ABCB7: variants seen among roughly 807,000 people sequenced by gnomAD.
ABCB7 encodes ATP binding cassette subfamily B member 7.
In ABCB7, 7 loss-of-function variants were observed where a neutral mutation model predicts 54.4. The observed-to-expected ratio is 0.13, with a 90% CI of 0.07 to 0.24. ABCB7 has a LOEUF of 0.24. Among genes scored for constraint, ABCB7 ranks in the 10% least tolerant of loss-of-function variants. The pLI is 1.00. For synonymous variants in ABCB7, 218 were observed against 207.1 expected, an observed-to-expected ratio of 1.05 and a Z score of -0.45; for missense variants, 356 against 570.4, an observed-to-expected ratio of 0.62 and a Z score of 3.83.
chrX:75,074,973 C>T (rs1319062320), intron 6 of ABCB7, among the ~76,000 whole-genome samples: 1 of 110,371 alleles, frequency 9.1e-6, no homozygotes, highest in Non-Finnish European at 1.9e-5. Context: ...GCACAGGTAC[C>T]CCCTGAAGCT....
intron 1 of ABCB7, among the ~76,000 whole-genome samples, chrX:75,126,299 T>C (rs2081926915): frequency 8.9e-6 from 1 of 112,131 alleles, no homozygotes. Context: ...ACTCTAAAAC[T>C]GACAGATGCA....
intron 1 of ABCB7, among the ~76,000 whole-genome samples, chrX:75,134,851 C>T (rs1185789732): frequency 9.0e-6 from 1 of 111,255 alleles, no homozygotes; most frequent in Non-Finnish European, 1.9e-5. Flanking sequence ...ACTTAGAGTG[C>T]TAAATGCCCA....
chrX:75,087,731 G>T (rs746349584), intron 4 of ABCB7, among the ~76,000 whole-genome samples: 7 of 112,072 alleles, frequency 6.2e-5, no homozygotes, highest in African/African-American at 1.9e-4. Flanking sequence ...TACCTAGTCT[G>T]ATAGTTTGAA....
chrX:75,124,271 T>C (rs1254703640), intron 1 of ABCB7, among the ~76,000 whole-genome samples: 3 of 110,814 alleles, frequency 2.7e-5, no homozygotes, highest in African/African-American at 9.8e-5. Flanking sequence ...CCTCTAATAG[T>C]TTTTCCTTTA....
chrX:75,103,750 C>T (rs1569232940), intron 3 of ABCB7, among the ~76,000 whole-genome samples: 1 of 110,616 alleles, frequency 9.0e-6, no homozygotes. Flanking sequence ...GGATTGCCTT[C>T]TTCATTTTCT....
At chrX:75,111,335 A>G (rs905062123) in intron 3 of ABCB7, among the ~76,000 whole-genome samples, 1 of 112,236 alleles carries the variant, frequency 8.9e-6, no homozygotes, top group Non-Finnish European at 1.9e-5. Flanking sequence ...GACAGGCCTT[A>G]CAATCTCACA....
chrX:75,131,343 T>G (rs1245606041), intron 1 of ABCB7, among the ~76,000 whole-genome samples: 1 of 110,647 alleles, frequency 9.0e-6, no homozygotes. Flanking sequence ...CAGGTTTACA[T>G]GGGTCTGTTC....
intron 13 of ABCB7, chrX:75,062,737 T>C: frequency 4.4e-6 from 1 of 226,275 alleles, no homozygotes; most frequent in East Asian, 8.8e-5. Context: ...GCTCATTATA[T>C]GTTACTTTAT....
intron 4 of ABCB7, among the ~76,000 whole-genome samples, chrX:75,088,423 G>A (rs893114185): frequency 1.8e-5 from 2 of 112,145 alleles, no homozygotes; most frequent in Non-Finnish European, 3.8e-5. Context: ...CAGACAGCAT[G>A]CAAGAAAAGA....
At chrX:75,083,360 T>C (rs2081471629) in intron 4 of ABCB7, among the ~76,000 whole-genome samples, 1 of 111,482 alleles carries the variant, frequency 9.0e-6, no homozygotes, top group Non-Finnish European at 1.9e-5. Context: ...TGGGAACCAC[T>C]GGTATAATCA....
intron 4 of ABCB7, among the ~76,000 whole-genome samples, chrX:75,090,660 T>C (rs1036955990): frequency 1.9e-4 from 20 of 106,859 alleles, no homozygotes; most frequent in African/African-American, 5.4e-4. Context: ...ATCAATGAAA[T>C]TGAAAAAAGG....
chrX:75,139,160 C>T (rs1029647634), intron 1 of ABCB7, among the ~76,000 whole-genome samples: 3 of 110,643 alleles, frequency 2.7e-5, no homozygotes, highest in African/African-American at 9.9e-5. Context: ...ATTAATCTTC[C>T]TAAAACACTT....
intron 12 of ABCB7, among the ~76,000 whole-genome samples, chrX:75,066,009 A>G (rs1490874269): frequency 1.8e-5 from 2 of 112,063 alleles, no homozygotes; most frequent in African/African-American, 3.2e-5. Context: ...CGAGGTTTGA[A>G]TATGTTTTCC....
intron 3 of ABCB7, among the ~76,000 whole-genome samples, chrX:75,105,795 G>T (rs1381142694): frequency 9.0e-6 from 1 of 111,577 alleles, no homozygotes; most frequent in Admixed American, 9.5e-5. Context: ...GCCTGTACTG[G>T]TATAAAAATA....
chrX:75,107,484 A>G (rs2081714428), intron 3 of ABCB7, among the ~76,000 whole-genome samples: 1 of 111,302 alleles, frequency 9.0e-6, no homozygotes, highest in South Asian at 3.8e-4. Context: ...AGTGGGGAGG[A>G]CTTTGTCTTG....
At position 75,071,501 on chromosome X, in the gene ABCB7, C is replaced by A; in HGVS notation, c.1207+8G>T. On this transcript the variant is annotated splice_region_variant and intron_variant, in intron 9 of 15. Transcript: ENST00000373394. The stretch of plus-strand genomic sequence containing the variant: ...AGCCTGTAAATGTGATAGCCACAGA[C>A]TCATTACCTGCCACAATTCCCTGAC... 1 of 1,210,427 alleles carries A rather than the reference C, an allele frequency of 8.3e-7. No individual in the cohort carries two copies. The highest frequency in any genetic ancestry group is 1.1e-6 in the Non-Finnish European group (1 of 894,602).
intron 1 of ABCB7, among the ~76,000 whole-genome samples, chrX:75,137,976 G>GCAGT (rs1262705953): frequency 1.8e-5 from 2 of 111,090 alleles, no homozygotes; most frequent in Non-Finnish European, 3.8e-5. Context: ...CCTATGGCAT[G>GCAGT]CAGTTTATCC....
chrX:75,146,757 G>A (rs931981716), intron 1 of ABCB7, among the ~76,000 whole-genome samples: 7 of 111,341 alleles, frequency 6.3e-5, no homozygotes, highest in East Asian at 5.7e-4. Context: ...ACAGAGACAC[G>A]GGAAAAGATT....
At chrX:75,081,653 T>C (rs1488160416) in intron 4 of ABCB7, among the ~76,000 whole-genome samples, 1 of 112,226 alleles carries the variant, frequency 8.9e-6, no homozygotes, top group Non-Finnish European at 1.9e-5. Context: ...TGATGCACAT[T>C]AATAATATGT....
Sources: gnomAD v4.1 joint callset for allele counts (sites outside exome capture counted in the v4.1 genomes callset) on GRCh38, gnomAD v4.1.1 for gene constraint, MANE v1.5 for transcripts, NCBI Gene and HGNC (gene_info 2026-07-23, HGNC 2026-07-21) for gene names.